ABLIM2: variants seen among roughly 807,000 people sequenced by gnomAD.
ABLIM2 encodes actin-binding LIM protein 2.
ABLIM2 carries 53 observed loss-of-function variants against 97.7 expected under a neutral mutation model. The observed-to-expected ratio is 0.54, with a 90% CI of 0.44 to 0.68. The LOEUF is 0.68. ABLIM2 is among the 30% of genes least tolerant of loss of function. The probability of loss-of-function intolerance (pLI) is 0.00; values close to 1 mark genes in which losing one functional copy is unlikely to be tolerated. For synonymous variants in ABLIM2, 361 were observed against 345.8 expected, an observed-to-expected ratio of 1.04 and a Z score of -0.49; for missense variants, 835 against 867.2, an observed-to-expected ratio of 0.96 and a Z score of 0.47.
rs752791750 is a variant in ABLIM2 at position 8,067,256 on chromosome 4, T to A, written c.676-6202A>T. The A allele has an allele frequency of 3.9e-5, 6 of 152,314 alleles. No individual in the cohort carries two copies. The highest frequency in any genetic ancestry group is 7.3e-5 in the Non-Finnish European group (5 of 68,170). 9.4% of individuals were successfully genotyped at this position (152,314 alleles called of 1,614,324 possible). The stretch of plus-strand genomic sequence containing the variant: ...GCCTCAGAGCACGGAATTAACTGCA[T>A]CCTCAGCTCACCGGCTCCCTGTCAA... On this transcript the variant is annotated intron_variant, in intron 6 of 20. Transcript: ENST00000447017. The surrounding 1 kb of genome is among the most constrained non-coding windows in gnomAD (Gnocchi z 5.4).
intron 15 of ABLIM2, 107 bp downstream of exon 15, chr4:8,008,943 A>T: frequency 7.3e-7 from 1 of 1,375,710 alleles, no homozygotes. Flanking sequence ...GCCCCTAAGG[A>T]ACAGAATGTA....
chr4:8,116,583 G>C (rs1473034574), intron 1 of ABLIM2, among the ~76,000 whole-genome samples: 1 of 152,210 alleles, frequency 6.6e-6, no homozygotes, highest in African/African-American at 2.4e-5. Flanking sequence ...CACATCCGGG[G>C]ACTATGGTTT....
intron 17 of ABLIM2, among the ~76,000 whole-genome samples, chr4:7,989,065 C>T (rs1398171004): frequency 2.9e-5 from 4 of 137,112 alleles, no homozygotes; most frequent in East Asian, 2.2e-4. Flanking sequence ...TCACTAGACA[C>T]ATTAGTCTTT....
intron 6 of ABLIM2, among the ~76,000 whole-genome samples, chr4:8,066,283 G>T (rs1471194106): frequency 6.9e-6 from 1 of 145,182 alleles, no homozygotes; most frequent in African/African-American, 2.5e-5. Context: ...TCCAGCCTGG[G>T]CAACAGAGAG....
intron 7 of ABLIM2, among the ~76,000 whole-genome samples, chr4:8,059,528 C>T (rs972193774): frequency 2.6e-5 from 4 of 152,094 alleles, no homozygotes; most frequent in African/African-American, 2.4e-5. Flanking sequence ...CCCGGCCCCC[C>T]CACTTGACAT....
At chr4:8,057,098 C>CTTTTTTTTTTTTTTTTTTT (rs11333108) in intron 7 of ABLIM2, among the ~76,000 whole-genome samples, 2 of 130,146 alleles carry the variant, frequency 1.5e-5, no homozygotes, top group African/African-American at 5.6e-5. Context: ...TTCTTTCTTT[C>CTTTTTTTTTTTTTTTTTTT]TTTTTTTTTT....
intron 13 of ABLIM2, 52 bp downstream of exon 13, chr4:8,020,150 G>A (rs965489126): frequency 6.6e-5 from 102 of 1,540,964 alleles, no homozygotes; most frequent in Admixed American, 2.0e-4. Flanking sequence ...GGCCAGTTTC[G>A]GTGTGGACAG....
chr4:8,032,568 G>T lies in ABLIM2; in HGVS notation c.1048-2792C>A, dbSNP rs1375740195. 1.3e-6 allele frequency: 2 copies of T among 1,583,284 alleles called. No individual in the cohort carries two copies. Among genetic ancestry groups the T allele is most frequent in the Non-Finnish European group, 1.7e-6 (2 of 1,156,212 alleles). On this transcript the variant is annotated intron_variant, in intron 10 of 20. Transcript: ENST00000447017. This position sits in a 1 kb window ranked among gnomAD's most constrained non-coding sequence, Gnocchi z 4.3. ...GAGCCACCGAGGAGGCCCTTCCCGG[G>T]AGTGCGGCTGGGTGGTTATGTTTAT...
chr4:8,002,497 TA>T lies in ABLIM2; in HGVS notation c.1618+5561del, dbSNP rs150834635. ...TCTATGCAGCTGCCTTCTGATGTTT[TA>T]AACACAGAAAATGCAACATCTCCTG... On this transcript the variant is annotated intron_variant, in intron 16 of 20. Transcript: ENST00000447017. This position sits in a 1 kb window ranked among gnomAD's most constrained non-coding sequence, Gnocchi z 6.1. Among the ~76,000 whole-genome samples, 1,268 of 152,268 alleles carry T rather than the reference TA, an allele frequency of 8.3e-3. 17 individuals are homozygous for T. Among genetic ancestry groups the T allele is most frequent in the African/African-American group, 0.029 (1,215 of 41,556 alleles).
At chr4:8,063,668 C>T (rs907073895) in intron 6 of ABLIM2, among the ~76,000 whole-genome samples, 1 of 152,238 alleles carries the variant, frequency 6.6e-6, no homozygotes, top group Non-Finnish European at 1.5e-5. Context: ...TGGCTGTCCG[C>T]AAGTCCTGGT....
At chr4:8,073,037 T>G (rs1208632689) in intron 6 of ABLIM2, among the ~76,000 whole-genome samples, 1 of 151,968 alleles carries the variant, frequency 6.6e-6, no homozygotes, top group Non-Finnish European at 1.5e-5. Flanking sequence ...GCTGAGTCTC[T>G]GCAGTGGGGA....
At chr4:8,027,175 A>T (rs924856336) in intron 12 of ABLIM2, among the ~76,000 whole-genome samples, 1 of 151,996 alleles carries the variant, frequency 6.6e-6, no homozygotes, top group Non-Finnish European at 1.5e-5. Context: ...AATGTGGGGG[A>T]TGCATTTTTC....
At chr4:7,990,181 C>T (rs192308336) in intron 17 of ABLIM2, among the ~76,000 whole-genome samples, 2 of 152,206 alleles carry the variant, frequency 1.3e-5, no homozygotes, top group Admixed American at 1.3e-4. Flanking sequence ...CAGAGATAAG[C>T]TTTGACAGCT....
intron 3 of ABLIM2, among the ~76,000 whole-genome samples, chr4:8,093,858 T>C (rs1196325438): frequency 6.6e-6 from 1 of 152,224 alleles, no homozygotes; most frequent in African/African-American, 2.4e-5. Flanking sequence ...TGCTTGAAGT[T>C]CATTGAAATA....
chr4:7,991,062 T>C (rs954481664), intron 17 of ABLIM2, among the ~76,000 whole-genome samples: 3 of 152,194 alleles, frequency 2.0e-5, no homozygotes, highest in Non-Finnish European at 4.4e-5. Context: ...AGAAACATAT[T>C]CACAGAAAGT....
rs1830924712 is a variant in ABLIM2, at chr4:8,095,187, T to C, written c.338+1912A>G. On this transcript the variant is annotated intron_variant, in intron 3 of 20. Transcript: ENST00000447017. The surrounding 1 kb of genome is among the most constrained non-coding windows in gnomAD (Gnocchi z 4.7). The stretch of plus-strand genomic sequence containing the variant: ...GGTGCAATCATAGCTCACTGCAGCC[T>C]CAAAATCCTGGGCCCAAGCAATCCT... Among the ~76,000 whole-genome samples, 1 of 151,968 alleles carries C rather than the reference T, an allele frequency of 6.6e-6. No individual in the cohort carries two copies. Among genetic ancestry groups the C allele is most frequent in the South Asian group, 2.1e-4 (1 of 4,816 alleles).
At chr4:8,073,682 G>A (rs1329223859) in intron 6 of ABLIM2, among the ~76,000 whole-genome samples, 1 of 152,210 alleles carries the variant, frequency 6.6e-6, no homozygotes, top group East Asian at 1.9e-4. Flanking sequence ...AGGACAGACA[G>A]AACATCTGCA....
At chr4:8,091,293 T>A (rs1220210672) in intron 3 of ABLIM2, among the ~76,000 whole-genome samples, 1 of 57,966 alleles carries the variant, frequency 1.7e-5, no homozygotes. Context: ...ATATATAATA[T>A]TATATATTAT....
rs1453442314 is a variant in ABLIM2 at position 7,984,905 on chromosome 4, A to G, written c.1681-12T>C. 6.2e-7 allele frequency: 1 copy of G among 1,608,268 alleles called. No homozygotes were observed. The highest frequency in any genetic ancestry group is 1.7e-5 in the Admixed American group (1 of 59,236). On this transcript the variant is annotated splice_polypyrimidine_tract_variant and intron_variant, in intron 17 of 20. Transcript: ENST00000447017. ...GCCAGATTGGCATTCTGGAAGAGAA[A>G]GAGAGGTTGGGCGGCAAGAGACAGG...
Sources: allele counts gnomAD v4.1 joint callset (sites outside exome capture counted in the v4.1 genomes callset), GRCh38; gene constraint gnomAD v4.1.1; non-coding constraint Gnocchi (gnomAD v3.1); transcripts MANE v1.5; gene names NCBI Gene and HGNC (gene_info 2026-07-23, HGNC 2026-07-21).